The following KATNIP variants were observed in gnomAD, a reference collection of about 807,000 sequenced individuals.
The protein encoded by KATNIP is katanin-interacting protein.
KATNIP carries 126 observed loss-of-function variants against 174.0 expected under a neutral mutation model. The observed-to-expected ratio is 0.72, with a 90% CI of 0.63 to 0.84. The LOEUF (loss-of-function observed/expected upper bound fraction) is 0.84. KATNIP is among the 40% of genes least tolerant of loss of function. KATNIP has a pLI of 0.00. For synonymous variants in KATNIP, 810 were observed against 835.7 expected (o/e 0.97, Z 0.53); for missense variants, 1,958 against 2,109.7 (o/e 0.93, Z 1.41).
intron 14 of KATNIP, among the ~76,000 whole-genome samples, chr16:27,735,229 C>T (rs761599342): frequency 1.2e-4 from 18 of 152,194 alleles, no homozygotes; most frequent in Non-Finnish European, 2.4e-4. Context: ...CTGCCTCCGC[C>T]TGCTTCCCTC....
chr16:27,580,832 C>T (rs1468169), intron 2 of KATNIP, among the ~76,000 whole-genome samples: 128,321 of 151,964 alleles, frequency 0.84, 54,278 homozygotes, highest in East Asian at 1. Flanking sequence ...ATTCTTTACT[C>T]GAAACATTTA....
At chr16:27,565,954 T>A (rs1384742496) in intron 1 of KATNIP, among the ~76,000 whole-genome samples, 2 of 152,044 alleles carry the variant, frequency 1.3e-5, no homozygotes, top group African/African-American at 4.8e-5. Flanking sequence ...AAGACTGGAT[T>A]TATCACTTCT....
At chr16:27,604,072 G>T (rs988038607) in intron 2 of KATNIP, among the ~76,000 whole-genome samples, 1 of 151,968 alleles carries the variant, frequency 6.6e-6, no homozygotes, top group African/African-American at 2.4e-5. Context: ...AGCACTTATT[G>T]TCAGGTGACA....
intron 19 of KATNIP, among the ~76,000 whole-genome samples, chr16:27,762,815 G>A (rs369415816): frequency 6.6e-6 from 1 of 152,152 alleles, no homozygotes; most frequent in African/African-American, 2.4e-5. Flanking sequence ...TTTAGGCTTG[G>A]AGCCTGGAGA....
intron 2 of KATNIP, among the ~76,000 whole-genome samples, chr16:27,614,372 GC>G (rs2075982658): frequency 6.6e-6 from 1 of 152,106 alleles, no homozygotes. Context: ...TGTTGTCCAG[GC>G]TGGTCTTGAA....
intron 1 of KATNIP, among the ~76,000 whole-genome samples, chr16:27,571,696 C>A (rs985977775): frequency 9.8e-5 from 15 of 152,388 alleles, no homozygotes; most frequent in African/African-American, 3.4e-4. Flanking sequence ...CTGCACTACT[C>A]CTGCTGCCAG....
intron 6 of KATNIP, among the ~76,000 whole-genome samples, chr16:27,649,727 G>C (rs1444832505): frequency 6.6e-6 from 1 of 152,200 alleles, no homozygotes; most frequent in Non-Finnish European, 1.5e-5. Context: ...AATAAACGAT[G>C]AGATCATTTC....
chr16:27,715,187 G>A (rs577225702), intron 13 of KATNIP, among the ~76,000 whole-genome samples: 2 of 152,298 alleles, frequency 1.3e-5, no homozygotes, highest in South Asian at 4.1e-4. Flanking sequence ...CTGTTCAATG[G>A]GAGAAGCATA....
intron 19 of KATNIP, among the ~76,000 whole-genome samples, chr16:27,762,369 G>A (rs1387347723): frequency 6.6e-6 from 1 of 152,158 alleles, no homozygotes; most frequent in African/African-American, 2.4e-5. Flanking sequence ...GCCAGGCACT[G>A]GGCTATGCGA....
At chr16:27,717,496 A>AT (rs1048500242) in intron 13 of KATNIP, among the ~76,000 whole-genome samples, 5 of 149,546 alleles carry the variant, frequency 3.3e-5, no homozygotes, top group Admixed American at 6.7e-5. Context: ...TCCCTACTTG[A>AT]TTTTTTTTTT....
intron 23 of KATNIP, among the ~76,000 whole-genome samples, chr16:27,774,701 C>A (rs1470056798): frequency 6.6e-6 from 1 of 152,194 alleles, no homozygotes; most frequent in Non-Finnish European, 1.5e-5. Context: ...TTTCAGCTGG[C>A]CTTCTGTGTG....
chr16:27,761,659 C>T, intron 19 of KATNIP, 69 bp downstream of exon 19: 3 of 1,361,612 alleles, frequency 2.2e-6, no homozygotes, highest in South Asian at 2.3e-5. Flanking sequence ...GCCTCTGAGA[C>T]TTCAGATTCA....
At chr16:27,636,856 A>C (rs1296552064) in intron 5 of KATNIP, among the ~76,000 whole-genome samples, 2 of 152,220 alleles carry the variant, frequency 1.3e-5, no homozygotes, top group African/African-American at 4.8e-5. Flanking sequence ...GAGCATGTGC[A>C]GCGTGCATTA....
Position 27,631,113 on chromosome 16 carries a change from G to A in KATNIP, c.359G>A (p.Arg120His). ...LFREAEEALR[R>H]SSRTAPSKVQ... ...CGAGAAGCTGAAGAAGCCTTAAGAC[G>A]CAGTTCACGGACAGCCCCCAGTAAA... The change falls in exon 5 of 28, where the codon CGC becomes CAC. Residue 120 changes from arginine (R) to histidine (H), a missense_variant. Coordinates refer to ENST00000261588, the MANE Select transcript of KATNIP (RefSeq NM_015202.5). 6 of 1,578,650 alleles carry A rather than the reference G, an allele frequency of 3.8e-6. No homozygotes were observed. The highest frequency in any genetic ancestry group is 5.2e-6 in the Non-Finnish European group (6 of 1,161,082).
At chr16:27,759,682 G>A (rs2081880350) in intron 18 of KATNIP, among the ~76,000 whole-genome samples, 1 of 152,214 alleles carries the variant, frequency 6.6e-6, no homozygotes, top group Admixed American at 6.5e-5. Flanking sequence ...GGTTAGCTGG[G>A]CTGCCTCGCA....
At chr16:27,563,891 TAAAAAAAAAAA>T (rs58505514) in intron 1 of KATNIP, among the ~76,000 whole-genome samples, 4 of 66,682 alleles carry the variant, frequency 6.0e-5, no homozygotes, top group Non-Finnish European at 7.5e-5. Flanking sequence ...TCTAGTAAAT[TAAAAAAAAAAA>T]AAAAAAAAAA....
chr16:27,713,832 A>G (rs1226677705), intron 13 of KATNIP, among the ~76,000 whole-genome samples: 8 of 73,598 alleles, frequency 1.1e-4, no homozygotes, highest in African/African-American at 5.0e-4. Context: ...ATATATATAT[A>G]TATATATATA....
chr16:27,692,946 G>A (rs2078786942), intron 8 of KATNIP, among the ~76,000 whole-genome samples: 1 of 152,178 alleles, frequency 6.6e-6, no homozygotes, highest in African/African-American at 2.4e-5. Context: ...AGGGGCGAGG[G>A]TGTGTCTATA....
chr16:27,611,845 A>G (rs940561403), intron 2 of KATNIP, among the ~76,000 whole-genome samples: 1 of 152,210 alleles, frequency 6.6e-6, no homozygotes, highest in Non-Finnish European at 1.5e-5. Flanking sequence ...TCAGCACTTA[A>G]TTATATCCGA....
Sources: allele counts gnomAD v4.1 joint callset (sites outside exome capture counted in the v4.1 genomes callset), GRCh38; gene constraint gnomAD v4.1.1; transcripts MANE v1.5; gene names NCBI Gene and HGNC (gene_info 2026-07-23, HGNC 2026-07-21).